Variants in ATP10A observed in about 807,000 individuals in gnomAD.
The protein encoded by ATP10A is ATPase phospholipid transporting 10A (putative), also known as phospholipid-transporting ATPase VA.
ATP10A carries 111 observed loss-of-function variants against 147.8 expected under a neutral mutation model. The observed-to-expected ratio is 0.75, with a 90% CI of 0.64 to 0.88. ATP10A has a LOEUF of 0.88. Ranked by LOEUF, ATP10A falls within the 40% of genes least tolerant of loss-of-function variation. The pLI, the probability that ATP10A is intolerant of heterozygous loss-of-function variation, is 0.00. For synonymous variants in ATP10A, 875 were observed against 841.6 expected (o/e 1.04, Z -0.69); for missense variants, 1,927 against 1,959.0 (o/e 0.98, Z 0.31).
chr15:25,675,683 C>T (rs1159556568), downstream of ATP10A, among the ~76,000 whole-genome samples: 1 of 152,226 alleles, frequency 6.6e-6, no homozygotes, highest in African/African-American at 2.4e-5. Flanking sequence ...CGCTGGCTTA[C>T]ACCTGTAACC....
chr15:25,768,019 A>G (rs1256321159), intron 2 of ATP10A, among the ~76,000 whole-genome samples: 1 of 152,244 alleles, frequency 6.6e-6, no homozygotes, highest in East Asian at 1.9e-4. Flanking sequence ...GCTGGCTCCC[A>G]AAGTCCCCTC....
intron 1 of ATP10A, among the ~76,000 whole-genome samples, chr15:25,806,225 G>A (rs964017391): frequency 2.0e-5 from 3 of 152,044 alleles, no homozygotes; most frequent in African/African-American, 4.8e-5. Flanking sequence ...TCCTCAGCAC[G>A]CTCAACATCA....
intron 13 of ATP10A, among the ~76,000 whole-genome samples, chr15:25,698,111 C>T (rs1040066690): frequency 2.6e-5 from 4 of 152,044 alleles, no homozygotes; most frequent in African/African-American, 7.2e-5. Context: ...AAAAAGGACA[C>T]TAGGTAAAAA....
intron 1 of ATP10A, among the ~76,000 whole-genome samples, chr15:25,793,287 T>TG (rs1442212452): frequency 1.3e-5 from 2 of 152,202 alleles, no homozygotes; most frequent in African/African-American, 2.4e-5. Context: ...CTTGGGAGAA[T>TG]GAGCACTGCA....
intron 1 of ATP10A, among the ~76,000 whole-genome samples, chr15:25,807,160 G>T (rs1267824366): frequency 6.6e-6 from 1 of 152,208 alleles, no homozygotes; most frequent in Non-Finnish European, 1.5e-5. Context: ...TTCTCCCCTG[G>T]TGGCATCCTT....
rs575249348 is a variant in ATP10A, at chr15:25,785,693, C to A, written c.450-4470G>T. On this transcript the variant is annotated intron_variant, in intron 1 of 20. Transcript: ENST00000555815. ...GCCCACTGGCACAACACTCTTAATA[C>A]CAGCCACTCAACCACGCCCTTCTTG... 9.2e-5 allele frequency among the ~76,000 whole-genome samples: 14 copies of A among 152,296 alleles called. No homozygotes were observed. In the South Asian group the frequency reaches 2.9e-3, roughly 32 times the overall value.
chr15:25,859,413 C>T (rs1893656481), intron 1 of ATP10A, among the ~76,000 whole-genome samples: 2 of 152,184 alleles, frequency 1.3e-5, no homozygotes, highest in Non-Finnish European at 2.9e-5. Context: ...CCTTTCTTCC[C>T]ACCCGGGGCT....
chr15:25,825,612 A>T (rs571063741), intron 1 of ATP10A, among the ~76,000 whole-genome samples: 1 of 152,348 alleles, frequency 6.6e-6, no homozygotes, highest in Admixed American at 6.5e-5. Context: ...AAGATAATCA[A>T]GCACAGTCTT....
chr15:25,712,377 C>T (rs1233087619), intron 10 of ATP10A, among the ~76,000 whole-genome samples: 1 of 152,206 alleles, frequency 6.6e-6, no homozygotes, highest in African/African-American at 2.4e-5. Context: ...GGGCTCCCTG[C>T]TCTACAGGAC....
At chr15:25,840,764 A>G (rs1567423882) in intron 1 of ATP10A, among the ~76,000 whole-genome samples, 1 of 152,210 alleles carries the variant, frequency 6.6e-6, no homozygotes, top group African/African-American at 2.4e-5. Flanking sequence ...ACATTCCCAC[A>G]GCAACGTAGG....
At chr15:25,745,108 G>A (rs1887776887) in intron 2 of ATP10A, among the ~76,000 whole-genome samples, 1 of 151,942 alleles carries the variant, frequency 6.6e-6, no homozygotes, top group Admixed American at 6.6e-5. Context: ...GGCAGATCAC[G>A]ACGTCATGGT....
At chr15:25,800,881 G>A (rs896642345) in intron 1 of ATP10A, among the ~76,000 whole-genome samples, 1 of 152,036 alleles carries the variant, frequency 6.6e-6, no homozygotes. Context: ...ATCAGGAACC[G>A]AGTTCCCATA....
intron 1 of ATP10A, among the ~76,000 whole-genome samples, chr15:25,814,152 C>A (rs1380610187): frequency 6.6e-6 from 1 of 151,902 alleles, no homozygotes; most frequent in South Asian, 2.1e-4. Context: ...AATATTAATA[C>A]CTTATATATA....
At chr15:25,691,684 G>A (rs1309689275) in intron 15 of ATP10A, 31 bp downstream of exon 15, 1 of 1,611,030 alleles carries the variant, frequency 6.2e-7, no homozygotes, top group Admixed American at 1.7e-5. Context: ...AGGGCCAATT[G>A]GTCACACAGA....
chr15:25,704,093 T>G (rs1900830651), intron 12 of ATP10A, among the ~76,000 whole-genome samples: 1 of 152,182 alleles, frequency 6.6e-6, no homozygotes, highest in Non-Finnish European at 1.5e-5. Context: ...CCCTGGCCCT[T>G]GGGCTCTAGT....
At chr15:25,840,180 T>C (rs557699429) in intron 1 of ATP10A, among the ~76,000 whole-genome samples, 4 of 152,258 alleles carry the variant, frequency 2.6e-5, no homozygotes, top group African/African-American at 9.6e-5. Flanking sequence ...TCCTAACTTT[T>C]ATTTTAGGTT....
intron 2 of ATP10A, 108 bp from the exon 3 acceptor site, chr15:25,736,249 G>C (rs748524203): frequency 1.2e-6 from 1 of 801,952 alleles, no homozygotes; most frequent in South Asian, 1.4e-5. Context: ...TTTCACGGGG[G>C]AAGAACTCTG....
At position 25,718,229 on chromosome 15, in the gene ATP10A, T is replaced by C; in HGVS notation, c.1534A>G (p.Lys512Glu). The C allele has an allele frequency of 1.9e-6, 3 of 1,613,104 alleles. No individual in the cohort carries two copies. Among genetic ancestry groups the C allele is most frequent in the Non-Finnish European group, 2.5e-6 (3 of 1,179,994 alleles). The change falls in exon 8 of 21, where the codon AAG (lysine) becomes GAG (glutamate). Residue 512 changes from lysine (K) to glutamate (E), a missense_variant. Physicochemically the swap from Lys to Glu is moderately conservative, Grantham distance 56 (BLOSUM62 1). Coordinates refer to ENST00000555815, the MANE Select transcript of ATP10A (RefSeq NM_024490.4). ...HRRTGSRAEA[K>E]RASMLSKHTA... The stretch of plus-strand genomic sequence containing the variant: ...TGCTTGGACAGCATGCTGGCCCTCT[T>C]GGCCTCGGCCCGGCTGCCCGTGCGC...
At chr15:25,758,038 G>T (rs867340795) in intron 2 of ATP10A, among the ~76,000 whole-genome samples, 15 of 12,114 alleles carry the variant, frequency 1.2e-3, no homozygotes, top group African/African-American at 2.8e-3. Context: ...AACTCATTCC[G>T]ATCACCTGCT....
Sources: gnomAD v4.1 joint callset for allele counts (sites outside exome capture counted in the v4.1 genomes callset) on GRCh38, gnomAD v4.1.1 for gene constraint, MANE v1.5 for transcripts, NCBI Gene and HGNC (gene_info 2026-07-23, HGNC 2026-07-21) for gene names.